The following SCHIP1 variants were observed in gnomAD, a reference collection of about 807,000 sequenced individuals.
The protein encoded by SCHIP1 is schwannomin-interacting protein 1.
SCHIP1 carries 8 observed loss-of-function variants against 29.7 expected under a neutral mutation model. The ratio of observed to expected loss-of-function variants is 0.27; its 90% CI spans 0.16 to 0.49. The LOEUF is 0.49. Ranked by LOEUF, SCHIP1 falls within the 20% of genes least tolerant of loss-of-function variation. The pLI is 0.99. For synonymous variants in SCHIP1, 76 were observed against 94.9 expected (o/e 0.80, Z 1.16); for missense variants, 193 against 294.6 (o/e 0.66, Z 2.52).
chr3:159,790,701 G>C, the SCHIP1 span, among the ~76,000 whole-genome samples: 1 of 152,026 alleles, frequency 6.6e-6, no homozygotes, highest in Admixed American at 6.6e-5. Flanking sequence ...AAACAAAAAG[G>C]CTATTTCCAT....
At chr3:159,754,252 C>T in the SCHIP1 span, among the ~76,000 whole-genome samples, 1 of 152,164 alleles carries the variant, frequency 6.6e-6, no homozygotes, top group South Asian at 2.1e-4. Flanking sequence ...AATTTATAAA[C>T]CTATCAGCGG....
chr3:159,581,343 T>C, the SCHIP1 span, among the ~76,000 whole-genome samples: 8 of 152,166 alleles, frequency 5.3e-5, no homozygotes, highest in Admixed American at 5.2e-4. Context: ...AAACCACCAA[T>C]GGGTGTGGGC....
chr3:159,342,821 G>T, the SCHIP1 span, among the ~76,000 whole-genome samples: 12 of 151,966 alleles, frequency 7.9e-5, no homozygotes, highest in African/African-American at 2.9e-4. Context: ...ATTAATTCAA[G>T]ACATAATTAT....
At chr3:159,374,897 C>G in the SCHIP1 span, among the ~76,000 whole-genome samples, 1 of 151,976 alleles carries the variant, frequency 6.6e-6, no homozygotes, top group Non-Finnish European at 1.5e-5. Flanking sequence ...GCCATGTGTT[C>G]TAAGTATAAA....
At chr3:159,484,652 A>G in the SCHIP1 span, among the ~76,000 whole-genome samples, 7 of 152,182 alleles carry the variant, frequency 4.6e-5, no homozygotes, top group Non-Finnish European at 8.8e-5. Context: ...CTCTATTTAA[A>G]TATCAATCAT....
chr3:159,398,453 G>C, the SCHIP1 span, among the ~76,000 whole-genome samples: 1 of 152,040 alleles, frequency 6.6e-6, no homozygotes, highest in South Asian at 2.1e-4. Flanking sequence ...TGTCATGGAG[G>C]GATTTTAATT....
At chr3:159,274,030 G>A in the SCHIP1 span, 1 of 1,467,730 alleles carries the variant, frequency 6.8e-7, no homozygotes, top group Non-Finnish European at 9.0e-7. Context: ...AGCATTTAAG[G>A]TATATTGGAA....
At chr3:159,501,114 G>A in the SCHIP1 span, among the ~76,000 whole-genome samples, 40 of 152,300 alleles carry the variant, frequency 2.6e-4, no homozygotes, top group Non-Finnish European at 4.1e-4. Context: ...CTAGGACAAA[G>A]TGATATTTTA....
At chr3:159,876,711 C>A (rs996919621) in intron 2 of SCHIP1, among the ~76,000 whole-genome samples, 1 of 152,208 alleles carries the variant, frequency 6.6e-6, no homozygotes, top group African/African-American at 2.4e-5. Flanking sequence ...CTTGTTTGGA[C>A]ATACGCTTTT....
chr3:159,604,876 T>C, the SCHIP1 span, among the ~76,000 whole-genome samples: 1 of 152,168 alleles, frequency 6.6e-6, no homozygotes, highest in African/African-American at 2.4e-5. Flanking sequence ...CCCAAGAAAC[T>C]AATTTCTCAT....
chr3:159,788,743 C>T, the SCHIP1 span, among the ~76,000 whole-genome samples: 1 of 152,106 alleles, frequency 6.6e-6, no homozygotes, highest in African/African-American at 2.4e-5. Context: ...AAATCCTAGT[C>T]CTAATGTAGG....
the SCHIP1 span, among the ~76,000 whole-genome samples, chr3:159,724,070 C>T: frequency 1.3e-5 from 2 of 152,014 alleles, no homozygotes; most frequent in African/African-American, 4.8e-5. Context: ...GTATTTTTTC[C>T]AATTTGATTT....
the SCHIP1 span, among the ~76,000 whole-genome samples, chr3:159,465,456 A>G: frequency 6.6e-6 from 1 of 151,988 alleles, no homozygotes; most frequent in Non-Finnish European, 1.5e-5. Context: ...TTTTTATTGA[A>G]TTGTTGTGTT....
the SCHIP1 span, among the ~76,000 whole-genome samples, chr3:159,326,181 C>T: frequency 2.0e-5 from 3 of 152,242 alleles, no homozygotes; most frequent in South Asian, 6.2e-4. Context: ...CAGACTGGTT[C>T]TTGATTACTT....
At chr3:159,880,815 A>G (rs1033564754) in intron 2 of SCHIP1, among the ~76,000 whole-genome samples, 1 of 152,214 alleles carries the variant, frequency 6.6e-6, no homozygotes, top group Admixed American at 6.5e-5. Flanking sequence ...AATCATTTAT[A>G]GTCATTGTGT....
chr3:159,590,986 A>G, the SCHIP1 span, among the ~76,000 whole-genome samples: 40 of 152,182 alleles, frequency 2.6e-4, no homozygotes, highest in Middle Eastern at 3.4e-3. Flanking sequence ...TTCCTTGCAT[A>G]CTTGGCTTCT....
the SCHIP1 span, among the ~76,000 whole-genome samples, chr3:159,685,661 G>A: frequency 2.0e-5 from 3 of 152,112 alleles, no homozygotes; most frequent in African/African-American, 7.2e-5. Flanking sequence ...AGGAGGAAAT[G>A]TTACTTTCTC....
chr3:159,446,774 A>T, the SCHIP1 span, among the ~76,000 whole-genome samples: 1 of 152,166 alleles, frequency 6.6e-6, no homozygotes, highest in Admixed American at 6.5e-5. Context: ...TAATATTTAG[A>T]AGTGTGCCAA....
At chr3:159,274,910 AG>A in the SCHIP1 span, 1 of 828,170 alleles carries the variant, frequency 1.2e-6, no homozygotes, top group Non-Finnish European at 1.5e-6. Context: ...TTTAAAAACC[AG>A]TAGTAAATGC....
Sources: gnomAD v4.1 joint callset for allele counts (sites outside exome capture counted in the v4.1 genomes callset) on GRCh38, gnomAD v4.1.1 for gene constraint, MANE v1.5 for transcripts, NCBI Gene and HGNC (gene_info 2026-07-23, HGNC 2026-07-21) for gene names.